Variants in TAFA2 observed in about 807,000 individuals in gnomAD.
TAFA2 encodes TAFA chemokine like family member 2.
TAFA2 carries 7 observed loss-of-function variants against 18.8 expected under a neutral mutation model. The ratio of observed to expected loss-of-function variants is 0.37; its 90% CI spans 0.21 to 0.70. TAFA2 has a LOEUF of 0.70. TAFA2 is among the 30% of genes least tolerant of loss of function. The pLI, the probability that TAFA2 is intolerant of heterozygous loss-of-function variation, is 0.53. For synonymous variants in TAFA2, 60 were observed against 54.2 expected, an observed-to-expected ratio of 1.11 and a Z score of -0.47; for missense variants, 122 against 158.1, an observed-to-expected ratio of 0.77 and a Z score of 1.23.
At chr12:62,199,177 C>T (rs2062661119) in intron 1 of TAFA2, among the ~76,000 whole-genome samples, 1 of 152,100 alleles carries the variant, frequency 6.6e-6, no homozygotes, top group Admixed American at 6.6e-5. Context: ...GATAAGTAGG[C>T]CACATGCCTT....
At chr12:61,888,512 C>T (rs1474656798) in intron 1 of TAFA2, among the ~76,000 whole-genome samples, 1 of 152,166 alleles carries the variant, frequency 6.6e-6, no homozygotes, top group Admixed American at 6.5e-5. Context: ...GCCACATTCT[C>T]CTACAAACAC....
chr12:62,169,277 CA>C (rs796117387), intron 1 of TAFA2, among the ~76,000 whole-genome samples: 2 of 152,242 alleles, frequency 1.3e-5, no homozygotes, highest in African/African-American at 4.8e-5. Flanking sequence ...CAATACCACA[CA>C]TCTAGTAAGC....
intron 1 of TAFA2, among the ~76,000 whole-genome samples, chr12:62,101,482 G>A (rs1869199217): frequency 6.6e-6 from 1 of 152,130 alleles, no homozygotes; most frequent in South Asian, 2.1e-4. Flanking sequence ...TCCCTAGATT[G>A]TTAGTTCTTC....
rs572007835 is a variant in TAFA2, at chr12:61,911,373, T to C, written c.-1-43947A>G. Among the ~76,000 whole-genome samples the C allele has an allele frequency of 2.2e-3, 329 of 152,300 alleles. 2 individuals carry two copies. The highest frequency in any genetic ancestry group is 7.5e-3 in the African/African-American group (310 of 41,564). On this transcript the variant is annotated intron_variant, in intron 1 of 4. Coordinates refer to ENST00000416284, the MANE Select transcript of TAFA2 (RefSeq NM_178539.5). ...AAAATTCCAGTCAACAAACCTGTCATTTATCTTACACTCATTATTCCCGTA... is the reference window on the plus strand; with the variant it reads ...AAAATTCCAGTCAACAAACCTGTCACTTATCTTACACTCATTATTCCCGTA...
chr12:61,950,510 A>G (rs578145828), intron 1 of TAFA2, among the ~76,000 whole-genome samples: 2 of 152,214 alleles, frequency 1.3e-5, no homozygotes, highest in Non-Finnish European at 2.9e-5. Context: ...TATGACGATT[A>G]GTGATGTTAA....
intron 1 of TAFA2, among the ~76,000 whole-genome samples, chr12:62,032,027 G>T (rs1881472392): frequency 6.6e-6 from 1 of 152,052 alleles, no homozygotes; most frequent in Admixed American, 6.6e-5. Context: ...ATCAGACTGG[G>T]GAAACATGGT....
intron 1 of TAFA2, among the ~76,000 whole-genome samples, chr12:62,008,177 A>T (rs975923966): frequency 2.0e-5 from 3 of 152,198 alleles, no homozygotes; most frequent in African/African-American, 7.2e-5. Flanking sequence ...ATTTGGGAAC[A>T]CCATGAAAAA....
intron 2 of TAFA2, among the ~76,000 whole-genome samples, chr12:61,818,476 CT>C (rs1252748998): frequency 1.1e-4 from 16 of 144,372 alleles, no homozygotes; most frequent in Non-Finnish European, 7.4e-5. Context: ...GATCGAGACC[CT>C]GTCTCAAAAA....
At chr12:61,967,096 AGGGG>A (rs1879093205) in intron 1 of TAFA2, among the ~76,000 whole-genome samples, 1 of 151,876 alleles carries the variant, frequency 6.6e-6, no homozygotes, top group African/African-American at 2.4e-5. Context: ...ACTATATTAC[AGGGG>A]GTCCTGATCT....
chr12:61,873,401 C>T, intron 1 of TAFA2, among the ~76,000 whole-genome samples: 1 of 151,726 alleles, frequency 6.6e-6, no homozygotes. Context: ...GCTGCTCTTT[C>T]AAGAAACATG....
intron 2 of TAFA2, among the ~76,000 whole-genome samples, chr12:61,777,389 T>G (rs1471570981): frequency 6.6e-6 from 1 of 151,800 alleles, no homozygotes; most frequent in African/African-American, 2.4e-5. Flanking sequence ...ATGTTGACAG[T>G]ACTCAGTGAT....
intron 2 of TAFA2, among the ~76,000 whole-genome samples, chr12:61,779,166 C>T (rs932049633): frequency 2.0e-5 from 3 of 151,766 alleles, no homozygotes; most frequent in African/African-American, 7.3e-5. Context: ...TTTAAAGGAA[C>T]GTTTTTCTTC....
In TAFA2 at chr12:61,879,911, G is replaced by A. The variant is rs1186257711; in HGVS notation, c.-1-12485C>T. 2.8e-5 allele frequency: 25 copies of A among 908,686 alleles called. No individual in the cohort carries two copies. In the Middle Eastern group the frequency reaches 1.2e-3, roughly 43 times the overall value. 56.3% of individuals were successfully genotyped at this position (908,686 alleles called of 1,614,324 possible). ...GATGGAGAATGAATTTGTCCTCATC[G>A]AGAAGGATGTGGATGAAGCTTACAA... is the stretch of plus-strand genomic sequence containing the variant. On this transcript the variant is annotated intron_variant, in intron 1 of 4. Coordinates refer to ENST00000416284, the MANE Select transcript of TAFA2 (RefSeq NM_178539.5).
intron 1 of TAFA2, among the ~76,000 whole-genome samples, chr12:61,877,362 G>A (rs1010696502): frequency 6.6e-6 from 1 of 152,076 alleles, no homozygotes; most frequent in African/African-American, 2.4e-5. Flanking sequence ...GGTTTCCTCA[G>A]TCATGATGCA....
intron 1 of TAFA2, among the ~76,000 whole-genome samples, chr12:62,143,005 G>C (rs886257672): frequency 6.6e-6 from 1 of 152,156 alleles, no homozygotes; most frequent in Non-Finnish European, 1.5e-5. Flanking sequence ...CTGTGAATAA[G>C]GGCTTACCCA....
chr12:62,247,266 T>C (rs934951001), intron 1 of TAFA2, among the ~76,000 whole-genome samples: 2 of 152,210 alleles, frequency 1.3e-5, no homozygotes, highest in African/African-American at 4.8e-5. Context: ...AACTAATTCC[T>C]CGCCACCATT....
chr12:61,812,435 C>G lies in TAFA2; in HGVS notation c.106+54885G>C, dbSNP rs1871910184. 1.3e-5 allele frequency among the ~76,000 whole-genome samples: 2 copies of G among 151,414 alleles called. 1 individual carries two copies. Among genetic ancestry groups the G allele is most frequent in the African/African-American group, 4.9e-5 (2 of 40,704 alleles). ...AAACTGCTTCAGGGTCAGATGGTGT[C>G]TGAGATTCATCATTGACGTGAATAG... On this transcript the variant is annotated intron_variant, in intron 2 of 4. Transcript: ENST00000416284.
chr12:62,174,000 A>T (rs1351676948), intron 1 of TAFA2, among the ~76,000 whole-genome samples: 2 of 152,192 alleles, frequency 1.3e-5, no homozygotes, highest in African/African-American at 4.8e-5. Flanking sequence ...GAGATCAATA[A>T]GAAAATGTTG....
chr12:61,943,424 T>A lies in TAFA2; in HGVS notation c.-1-75998A>T, dbSNP rs1218961341. Among the ~76,000 whole-genome samples the A allele has an allele frequency of 2.4e-3, 361 of 149,976 alleles. 7 individuals carry two copies. The highest frequency in any genetic ancestry group is 0.022 in the Admixed American group (330 of 15,062). On this transcript the variant is annotated intron_variant, in intron 1 of 4. Transcript: ENST00000416284. ...CGAGCAAAATCACCAGCTAACATCA[T>A]AATGACAGGATCAAATTCACACATA...
Sources: gnomAD v4.1 joint callset for allele counts (sites outside exome capture counted in the v4.1 genomes callset) on GRCh38, gnomAD v4.1.1 for gene constraint, MANE v1.5 for transcripts, NCBI Gene and HGNC (gene_info 2026-07-23, HGNC 2026-07-21) for gene names.